Variants in GABRB1 observed in about 807,000 individuals in gnomAD.
GABRB1 encodes gamma-aminobutyric acid receptor subunit beta-1.
In GABRB1, 17 loss-of-function variants were observed where a neutral mutation model predicts 51.6. The ratio of observed to expected loss-of-function variants is 0.33; its 90% CI spans 0.23 to 0.49. The LOEUF (loss-of-function observed/expected upper bound fraction) is 0.49, where lower values mean the gene tolerates loss of function less well. Among genes scored for constraint, GABRB1 ranks in the 20% least tolerant of loss-of-function variants. The pLI is 0.99. For synonymous variants in GABRB1, 247 were observed against 218.9 expected (o/e 1.13, Z -1.14); for missense variants, 410 against 600.6 (o/e 0.68, Z 3.32).
At chr4:47,354,804 G>T (rs1317184100) in intron 5 of GABRB1, among the ~76,000 whole-genome samples, 1 of 150,934 alleles carries the variant, frequency 6.6e-6, no homozygotes, top group Non-Finnish European at 1.5e-5. Context: ...ATTTCTAGAT[G>T]TATAGTTCCT....
intron 3 of GABRB1, among the ~76,000 whole-genome samples, chr4:47,040,904 C>T (rs891846729): frequency 5.9e-5 from 9 of 152,086 alleles, no homozygotes; most frequent in African/African-American, 1.9e-4. Context: ...CTTTTCAATC[C>T]TTCCAGAGGC....
chr4:47,120,391 G>T (rs551056725), intron 3 of GABRB1, among the ~76,000 whole-genome samples: 7 of 152,288 alleles, frequency 4.6e-5, no homozygotes, highest in African/African-American at 1.7e-4. Context: ...GTGGCCCAGG[G>T]CTGGTCTAGA....
chr4:47,123,383 T>TTA (rs1045358796), intron 3 of GABRB1, among the ~76,000 whole-genome samples: 1 of 120,018 alleles, frequency 8.3e-6, no homozygotes, highest in Non-Finnish European at 1.6e-5. Flanking sequence ...ATATTATATT[T>TTA]TATATATATA....
At chr4:47,149,782 C>T (rs1451359432) in intron 3 of GABRB1, among the ~76,000 whole-genome samples, 1 of 151,900 alleles carries the variant, frequency 6.6e-6, no homozygotes, top group East Asian at 1.9e-4. Flanking sequence ...TCTTCACTCA[C>T]AAAGACATTT....
chr4:47,372,627 C>T (rs906959521), intron 5 of GABRB1, among the ~76,000 whole-genome samples: 3 of 152,180 alleles, frequency 2.0e-5, no homozygotes, highest in South Asian at 4.1e-4. Flanking sequence ...AGAGTCAAGT[C>T]GGCTCTGTCA....
chr4:47,330,263 C>T (rs549281825), intron 5 of GABRB1, among the ~76,000 whole-genome samples: 38 of 152,254 alleles, frequency 2.5e-4, no homozygotes, highest in African/African-American at 8.4e-4. Context: ...TGTTAATCTC[C>T]TCCAAAAACA....
chr4:47,153,811 A>G (rs1213498933), intron 3 of GABRB1, among the ~76,000 whole-genome samples: 1 of 152,100 alleles, frequency 6.6e-6, no homozygotes, highest in Non-Finnish European at 1.5e-5. Context: ...ACAGTTGGGT[A>G]GACCAAATGG....
At chr4:47,178,210 A>G (rs1339350849) in intron 4 of GABRB1, among the ~76,000 whole-genome samples, 2 of 152,104 alleles carry the variant, frequency 1.3e-5, no homozygotes, top group Non-Finnish European at 1.5e-5. Context: ...TGAGTAGCAA[A>G]GTGCCTGTCA....
intron 4 of GABRB1, among the ~76,000 whole-genome samples, chr4:47,223,100 A>G (rs1185684053): frequency 6.6e-6 from 1 of 152,152 alleles, no homozygotes; most frequent in East Asian, 1.9e-4. Flanking sequence ...ACATTTCTGT[A>G]GCAAAGATAA....
At chr4:47,416,734 G>A (rs1246373331) in intron 8 of GABRB1, among the ~76,000 whole-genome samples, 2 of 152,090 alleles carry the variant, frequency 1.3e-5, no homozygotes, top group Non-Finnish European at 2.9e-5. Context: ...TTACGTGCAT[G>A]AGCCACTGCA....
chr4:47,250,526 A>T (rs1299857847), intron 4 of GABRB1, among the ~76,000 whole-genome samples: 1 of 152,146 alleles, frequency 6.6e-6, no homozygotes, highest in African/African-American at 2.4e-5. Context: ...AGTTTTCCTC[A>T]ATTATTCTCC....
chr4:47,282,551 A>G (rs1723332163), intron 4 of GABRB1, among the ~76,000 whole-genome samples: 1 of 152,200 alleles, frequency 6.6e-6, no homozygotes, highest in African/African-American at 2.4e-5. Context: ...AACTGGGAAT[A>G]GCAACTAAGC....
chr4:47,007,521 CAT>C (rs1577819064), intron 1 of GABRB1, among the ~76,000 whole-genome samples: 2 of 152,138 alleles, frequency 1.3e-5, no homozygotes, highest in Admixed American at 6.5e-5. Context: ...ACTTCACTGA[CAT>C]AGAGAGAATG....
intron 4 of GABRB1, among the ~76,000 whole-genome samples, chr4:47,205,035 C>T (rs7660544): frequency 0.69 from 105,045 of 151,902 alleles, 37,057 homozygotes; most frequent in Middle Eastern, 0.86. Context: ...CCTCCAATCA[C>T]CATTTCACAT....
intron 3 of GABRB1, among the ~76,000 whole-genome samples, chr4:47,093,975 T>C (rs1394617388): frequency 2.6e-5 from 4 of 151,986 alleles, no homozygotes; most frequent in African/African-American, 4.8e-5. Context: ...TGAAAAGTGA[T>C]CACTACTGCC....
chr4:47,222,914 T>G (rs574696395), intron 4 of GABRB1, among the ~76,000 whole-genome samples: 1 of 152,138 alleles, frequency 6.6e-6, no homozygotes, highest in Non-Finnish European at 1.5e-5. Context: ...CATTTCTCTC[T>G]TAGGTTTTGT....
intron 3 of GABRB1, among the ~76,000 whole-genome samples, chr4:47,142,084 G>A (rs1457028213): frequency 6.6e-6 from 1 of 151,898 alleles, no homozygotes; most frequent in African/African-American, 2.4e-5. Context: ...AAAGAAATAA[G>A]TAATTTCAAT....
intron 1 of GABRB1, among the ~76,000 whole-genome samples, chr4:47,018,994 T>G (rs1271411019): frequency 6.6e-6 from 1 of 152,196 alleles, no homozygotes; most frequent in African/African-American, 2.4e-5. Context: ...ATCACTAGCT[T>G]TTAAGAAATG....
At chr4:47,264,483 A>G (rs1410414184) in intron 4 of GABRB1, among the ~76,000 whole-genome samples, 1 of 152,230 alleles carries the variant, frequency 6.6e-6, no homozygotes, top group East Asian at 1.9e-4. Context: ...GACCACTGGC[A>G]TCCCAGGGGC....
Sources: gnomAD v4.1 joint callset for allele counts (sites outside exome capture counted in the v4.1 genomes callset) on GRCh38, gnomAD v4.1.1 for gene constraint, MANE v1.5 for transcripts, NCBI Gene and HGNC (gene_info 2026-07-23, HGNC 2026-07-21) for gene names.